Variants in CYP4X1 observed in about 807,000 individuals in gnomAD.
CYP4X1 encodes the protein cytochrome P450 family 4 subfamily X member 1.
In CYP4X1, 44 loss-of-function variants were observed where a neutral mutation model predicts 57.9. That is an observed-to-expected ratio of 0.76 (90% CI 0.60 to 0.98). CYP4X1 has a LOEUF of 0.98. Among genes scored for constraint, CYP4X1 ranks in the 50% least tolerant of loss-of-function variants. The pLI, the probability that CYP4X1 is intolerant of heterozygous loss-of-function variation, is 0.00. For missense variants in CYP4X1, 532 were observed against 623.9 expected, an observed-to-expected ratio of 0.85 and a Z score of 1.57; for synonymous variants, 227 against 228.6, an observed-to-expected ratio of 0.99 and a Z score of 0.06.
At chr1:47,027,553 A>G (rs1288430048) in intron 1 of CYP4X1, among the ~76,000 whole-genome samples, 1 of 152,232 alleles carries the variant, frequency 6.6e-6, no homozygotes, top group Non-Finnish European at 1.5e-5. Flanking sequence ...TATTGTTAAC[A>G]GTGCTATTGA....
chr1:47,038,607 A>G, intron 6 of CYP4X1, 53 bp from the exon 7 acceptor site: 2 of 1,433,896 alleles, frequency 1.4e-6, no homozygotes, highest in Non-Finnish European at 1.9e-6. Context: ...TTGCTTTATA[A>G]TTTATTTGAC....
the CYP4X1 span, among the ~76,000 whole-genome samples, chr1:46,979,352 AT>A: frequency 6.6e-6 from 1 of 152,252 alleles, no homozygotes; most frequent in African/African-American, 2.4e-5. Flanking sequence ...ACACATCTCT[AT>A]GCAAATAAAT....
chr1:46,973,163 C>T, the CYP4X1 span, among the ~76,000 whole-genome samples: 5,950 of 151,938 alleles, frequency 0.039, 184 homozygotes, highest in Non-Finnish European at 0.057. Flanking sequence ...TTATTGACAA[C>T]CTTTTCTACA....
chr1:46,967,331 G>C, the CYP4X1 span, among the ~76,000 whole-genome samples: 5 of 152,190 alleles, frequency 3.3e-5, no homozygotes, highest in Non-Finnish European at 7.3e-5. Context: ...TTAAGGCACT[G>C]ACGTTGTGGT....
At chr1:47,045,182 A>G (rs908087070) in intron 8 of CYP4X1, among the ~76,000 whole-genome samples, 5 of 152,314 alleles carry the variant, frequency 3.3e-5, no homozygotes, top group African/African-American at 1.2e-4. Flanking sequence ...TTAAAATTTC[A>G]CATTACCTAA....
downstream of CYP4X1, among the ~76,000 whole-genome samples, chr1:47,053,064 C>G (rs1295024561): frequency 6.6e-6 from 1 of 152,056 alleles, no homozygotes. Flanking sequence ...GCTATCCCTC[C>G]CCCATCCCCC....
chr1:46,975,166 G>A, the CYP4X1 span, among the ~76,000 whole-genome samples: 2 of 152,094 alleles, frequency 1.3e-5, no homozygotes, highest in African/African-American at 2.4e-5. Flanking sequence ...TATTTAGCCT[G>A]TTTACGTTCA....
In CYP4X1 at chr1:47,030,052, C is replaced by G. The variant is rs761730404; in HGVS notation, c.240C>G (p.Phe80Leu). The G allele has an allele frequency of 1.2e-6, 2 of 1,614,128 alleles. No homozygotes were observed. The highest frequency in any genetic ancestry group is 2.2e-5 in the South Asian group (2 of 91,080). Residue 80 changes from phenylalanine (F) to leucine (L), a missense_variant, in exon 2 of 12, where the codon TTC becomes TTG. Physicochemically the swap from Phe to Leu is conservative, Grantham distance 22. Transcript: ENST00000371901. ...TTATTGAAAAATACCCTCGTGCCTT[C>G]CCTTTCTGGATTGGGCCCTTTCAGG... ...EEIIEKYPRAFPFWIGPFQAF... is the reference protein window; with the variant it reads ...EEIIEKYPRALPFWIGPFQAF...
chr1:46,968,849 C>T, the CYP4X1 span, among the ~76,000 whole-genome samples: 24 of 152,156 alleles, frequency 1.6e-4, no homozygotes, highest in Non-Finnish European at 2.9e-4. Context: ...TGGGACTTTA[C>T]CCTCAGACAC....
At chr1:46,992,693 A>T in the CYP4X1 span, among the ~76,000 whole-genome samples, 2 of 152,196 alleles carry the variant, frequency 1.3e-5, no homozygotes, top group African/African-American at 4.8e-5. Flanking sequence ...TGTTGTGAAT[A>T]ATGGTGCCAT....
the CYP4X1 span, among the ~76,000 whole-genome samples, chr1:47,010,432 T>C: frequency 6.6e-6 from 1 of 152,192 alleles, no homozygotes; most frequent in Non-Finnish European, 1.5e-5. Context: ...GAGCTATCTA[T>C]GACAAACCCA....
chr1:46,962,031 T>G, the CYP4X1 span, among the ~76,000 whole-genome samples: 2 of 152,196 alleles, frequency 1.3e-5, no homozygotes, highest in Non-Finnish European at 2.9e-5. Context: ...CTCTGCTAAA[T>G]CCCTGATTAA....
the CYP4X1 span, among the ~76,000 whole-genome samples, chr1:47,006,232 A>G: frequency 6.6e-6 from 1 of 152,186 alleles, no homozygotes; most frequent in African/African-American, 2.4e-5. Context: ...GATATAAGGA[A>G]ATATGGTTCT....
At chr1:46,972,764 G>C in the CYP4X1 span, among the ~76,000 whole-genome samples, 4 of 152,180 alleles carry the variant, frequency 2.6e-5, 1 homozygote, top group South Asian at 8.3e-4. Flanking sequence ...AGAAATGCTA[G>C]TGATTTTTAT....
At chr1:46,984,156 C>T in the CYP4X1 span, among the ~76,000 whole-genome samples, 1 of 151,874 alleles carries the variant, frequency 6.6e-6, no homozygotes, top group East Asian at 1.9e-4. Context: ...TTTCCTGAGC[C>T]CAGGTTTGCA....
chr1:46,982,407 G>T, the CYP4X1 span, among the ~76,000 whole-genome samples: 1 of 152,270 alleles, frequency 6.6e-6, no homozygotes, highest in South Asian at 2.1e-4. Context: ...CATTGCTGGG[G>T]AGTTAGCATG....
chr1:47,025,273 T>TCCTGTTCACTTCCA (rs1553151653), intron 1 of CYP4X1, among the ~76,000 whole-genome samples: 1 of 152,162 alleles, frequency 6.6e-6, no homozygotes, highest in Non-Finnish European at 1.5e-5. Flanking sequence ...ACACAACTGC[T>TCCTGTTCACTTCCA]CCTGTTCACT....
At chr1:47,036,892 A>T (rs1048654203) in intron 6 of CYP4X1, among the ~76,000 whole-genome samples, 1 of 152,240 alleles carries the variant, frequency 6.6e-6, no homozygotes, top group South Asian at 2.1e-4. Flanking sequence ...AAGTATAGTT[A>T]TGTCAAATGT....
the CYP4X1 span, among the ~76,000 whole-genome samples, chr1:46,980,772 C>G: frequency 6.6e-6 from 1 of 151,968 alleles, no homozygotes; most frequent in Non-Finnish European, 1.5e-5. Context: ...GTACTGGTAC[C>G]AAAACAGAGA....
Sources: allele counts gnomAD v4.1 joint callset (sites outside exome capture counted in the v4.1 genomes callset), GRCh38; gene constraint gnomAD v4.1.1; transcripts MANE v1.5; gene names NCBI Gene and HGNC (gene_info 2026-07-23, HGNC 2026-07-21).